Variants in SCP2 observed in about 807,000 individuals in gnomAD.
SCP2 encodes the protein SCP-2/3-oxoacyl-CoA thiolase.
SCP2 carries 48 observed loss-of-function variants against 71.4 expected under a neutral mutation model. The ratio of observed to expected loss-of-function variants is 0.67; its 90% CI spans 0.53 to 0.86. The LOEUF is 0.86. Ranked by LOEUF, SCP2 falls within the 40% of genes least tolerant of loss-of-function variation. SCP2 has a pLI of 0.00. For missense variants in SCP2, 560 were observed against 655.6 expected, an observed-to-expected ratio of 0.85 and a Z score of 1.59; for synonymous variants, 220 against 218.1, an observed-to-expected ratio of 1.01 and a Z score of -0.08.
intron 1 of SCP2, among the ~76,000 whole-genome samples, chr1:52,930,415 A>G (rs888788976): frequency 6.6e-6 from 1 of 152,120 alleles, no homozygotes; most frequent in Non-Finnish European, 1.5e-5. Flanking sequence ...TCTTGAGCCC[A>G]GGGTTTGAGA....
Position 53,015,047 on chromosome 1 carries a change from A to C in SCP2, c.1235+4A>C. On this transcript the variant is annotated splice_donor_region_variant and intron_variant, in intron 12 of 15. Coordinates refer to ENST00000371514, the MANE Select transcript of SCP2 (RefSeq NM_002979.5). The stretch of plus-strand genomic sequence containing the variant: ...TGGGTTTTCCGGAAGCCGCCAGGTG[A>C]GTGACATTCAGAGTTTTGTGTGTCA... The C allele has an allele frequency of 6.2e-7, 1 of 1,613,832 alleles. No individual in the cohort carries two copies. The highest frequency in any genetic ancestry group is 1.3e-5 in the African/African-American group (1 of 75,028).
At chr1:53,045,647 C>T (rs1323096245) in intron 14 of SCP2, among the ~76,000 whole-genome samples, 4 of 152,102 alleles carry the variant, frequency 2.6e-5, no homozygotes, top group East Asian at 3.9e-4. Context: ...TTTAGTTCCT[C>T]CACATTTTTG....
Position 52,961,596 on chromosome 1 carries a change from G to A in SCP2, c.490G>A (p.Gly164Arg). Residue 164 changes from glycine to arginine, a missense_variant, in exon 6 of 16, where the codon GGG becomes AGG. Coordinates refer to ENST00000371514, the MANE Select transcript of SCP2 (RefSeq NM_002979.5). ...SAHPVAPQMF[G>R]YAGKEHMEKY... ...TCACCCAGTTGCTCCTCAGATGTTT[G>A]GGTATGCTGGAAAAGAACATATGGA... 2 of 1,613,860 alleles carry A rather than the reference G, an allele frequency of 1.2e-6. No homozygotes were observed. Among genetic ancestry groups the A allele is most frequent in the Non-Finnish European group, 1.7e-6 (2 of 1,179,876 alleles).
At chr1:53,037,700 C>T (rs1162591018) in intron 13 of SCP2, among the ~76,000 whole-genome samples, 1 of 151,938 alleles carries the variant, frequency 6.6e-6, no homozygotes, top group Admixed American at 6.6e-5. Context: ...CAAAAAAGGC[C>T]TTGATTTCAG....
chr1:53,027,835 G>T (rs1028942334), intron 12 of SCP2, 134 bp from the exon 13 acceptor site: 5 of 627,384 alleles, frequency 8.0e-6, no homozygotes, highest in Admixed American at 2.5e-5. Context: ...GCTTACTAAA[G>T]ATTTCCTTTG....
At chr1:52,951,458 C>CTGAATGAGGTGGCACATT (rs1161034614) in intron 4 of SCP2, among the ~76,000 whole-genome samples, 6 of 149,850 alleles carry the variant, frequency 4.0e-5, no homozygotes, top group Non-Finnish European at 7.4e-5. Flanking sequence ...AAAAAATTAG[C>CTGAATGAGGTGGCACATT]CAGGCGTGGT....
At position 52,997,361 on chromosome 1, in the gene SCP2, G is replaced by A. The variant is rs370338065; in HGVS notation, c.1081+9225G>A. On this transcript the variant is annotated intron_variant, in intron 11 of 15. Coordinates refer to ENST00000371514, the MANE Select transcript of SCP2 (RefSeq NM_002979.5). ...TTTTTGTATTTTTAGTAGAGACAGG[G>A]TTTCATTATGTTGGCCAGGCTGGTC... Among the ~76,000 whole-genome samples the A allele has an allele frequency of 9.0e-4, 137 of 152,158 alleles. 2 individuals are homozygous for A. In the South Asian group the frequency reaches 0.027, roughly 30 times the overall value.
chr1:52,966,722 A>G (rs79506024), intron 6 of SCP2, among the ~76,000 whole-genome samples: 8,291 of 150,222 alleles, frequency 0.055, 384 homozygotes, highest in African/African-American at 0.12. Context: ...CATTTCTACT[A>G]AAGATACAAA....
At chr1:53,018,740 C>CA (rs1184206730) in intron 12 of SCP2, among the ~76,000 whole-genome samples, 6,002 of 114,206 alleles carry the variant, frequency 0.053, 362 homozygotes, top group African/African-American at 0.16. Flanking sequence ...GACTCTGTTT[C>CA]AAAAAAAAAA....
intron 10 of SCP2, among the ~76,000 whole-genome samples, chr1:52,981,458 A>G (rs1658487983): frequency 1.3e-5 from 2 of 149,660 alleles, no homozygotes; most frequent in African/African-American, 2.5e-5. Flanking sequence ...TTTTTTTGAG[A>G]CAGAGTCTCG....
At chr1:53,017,939 C>A (rs1347757292) in intron 12 of SCP2, among the ~76,000 whole-genome samples, 1 of 152,178 alleles carries the variant, frequency 6.6e-6, no homozygotes, top group Non-Finnish European at 1.5e-5. Flanking sequence ...ACTGCAACCT[C>A]CGCCTCCCAG....
chr1:53,008,857 A>G (rs914635452), intron 11 of SCP2, among the ~76,000 whole-genome samples: 4 of 152,240 alleles, frequency 2.6e-5, no homozygotes, highest in African/African-American at 9.6e-5. Context: ...TTTGCAGATG[A>G]CATGATTGTA....
intron 12 of SCP2, among the ~76,000 whole-genome samples, chr1:53,018,710 C>T (rs1033005865): frequency 4.0e-5 from 6 of 149,180 alleles, no homozygotes; most frequent in African/African-American, 1.5e-4. Flanking sequence ...CACTGAACTC[C>T]AGCCTGGGCA....
intron 11 of SCP2, chr1:52,993,057 A>G: frequency 1.1e-6 from 1 of 928,264 alleles, no homozygotes; most frequent in Non-Finnish European, 1.7e-6. Flanking sequence ...CACAGAAAGG[A>G]CTAGCCAGCT....
intron 13 of SCP2, among the ~76,000 whole-genome samples, chr1:53,032,248 G>A (rs983276966): frequency 1.1e-4 from 17 of 152,180 alleles, no homozygotes; most frequent in African/African-American, 4.1e-4. Context: ...TTGAATTTGG[G>A]ATTAAAGCAA....
intron 14 of SCP2, among the ~76,000 whole-genome samples, chr1:53,041,129 C>T (rs917628791): frequency 3.9e-5 from 6 of 152,064 alleles, no homozygotes; most frequent in African/African-American, 9.7e-5. Flanking sequence ...AGGGGCTGGG[C>T]ACGGTGGCTC....
intron 5 of SCP2, among the ~76,000 whole-genome samples, chr1:52,960,173 G>A (rs1166297534): frequency 6.6e-6 from 1 of 152,064 alleles, no homozygotes; most frequent in Non-Finnish European, 1.5e-5. Flanking sequence ...ACAGGTATGA[G>A]CCATGGCGCC....
At chr1:53,004,440 T>C (rs999478070) in intron 11 of SCP2, among the ~76,000 whole-genome samples, 6 of 152,218 alleles carry the variant, frequency 3.9e-5, no homozygotes, top group African/African-American at 1.4e-4. Flanking sequence ...TACATCCAGA[T>C]GGCCTGAAGC....
chr1:53,047,182 C>T (rs1464482307), intron 14 of SCP2, among the ~76,000 whole-genome samples: 4 of 152,240 alleles, frequency 2.6e-5, no homozygotes, highest in Admixed American at 6.5e-5. Context: ...TTCCCTGCCA[C>T]GTGGCCCTCT....
Sources: gnomAD v4.1 joint callset for allele counts (sites outside exome capture counted in the v4.1 genomes callset) on GRCh38, gnomAD v4.1.1 for gene constraint, MANE v1.5 for transcripts, NCBI Gene and HGNC (gene_info 2026-07-23, HGNC 2026-07-21) for gene names.